Variants in EPHA5 observed in about 807,000 individuals in gnomAD.
EPHA5 encodes the protein ephrin type-A receptor 5.
In EPHA5, 60 loss-of-function variants were observed where a neutral mutation model predicts 105.0. The ratio of observed to expected loss-of-function variants is 0.57; its 90% CI spans 0.46 to 0.71. EPHA5 has a LOEUF of 0.71. Among genes scored for constraint, EPHA5 ranks in the 30% least tolerant of loss-of-function variants. The pLI, the probability that EPHA5 is intolerant of heterozygous loss-of-function variation, is 0.00. For synonymous variants in EPHA5, 513 were observed against 449.1 expected (o/e 1.14, Z -1.80); for missense variants, 1,218 against 1,274.7 (o/e 0.96, Z 0.68).
intron 3 of EPHA5, among the ~76,000 whole-genome samples, chr4:65,544,107 CA>C (rs1365156932): frequency 6.6e-6 from 1 of 151,526 alleles, no homozygotes; most frequent in African/African-American, 2.4e-5. Context: ...ATGTAAAACC[CA>C]AAAACATAAA....
chr4:65,353,401 TAAGA>T (rs1399059397), intron 11 of EPHA5, among the ~76,000 whole-genome samples: 1 of 150,238 alleles, frequency 6.7e-6, no homozygotes, highest in Admixed American at 6.7e-5. Context: ...ATGTCCTCTT[TAAGA>T]AAGAAGATAA....
At chr4:65,484,813 A>AT (rs972939160) in intron 5 of EPHA5, among the ~76,000 whole-genome samples, 3 of 152,108 alleles carry the variant, frequency 2.0e-5, no homozygotes, top group Non-Finnish European at 2.9e-5. Context: ...AATACACACT[A>AT]TTTTGTAAAA....
In EPHA5 at chr4:65,572,953, C is replaced by A. The variant is rs1303129007; in HGVS notation, c.910+28688G>T. 2.6e-5 allele frequency among the ~76,000 whole-genome samples: 4 copies of A among 152,068 alleles called. No homozygotes were observed. In the East Asian group the frequency reaches 5.8e-4, roughly 22 times the overall value. ...GACTTAGGCAAGAGAATCACTTGAA[C>A]CCAGGAGGCGGAGGCTGCAGTAAGC... On this transcript the variant is annotated intron_variant, in intron 3 of 16. Coordinates refer to ENST00000613740, the MANE Select transcript of EPHA5 (RefSeq NM_001281766.3).
chr4:65,573,774 G>A lies in EPHA5; in HGVS notation c.910+27867C>T, dbSNP rs1385904796. 3.7e-6 allele frequency: 6 copies of A among 1,612,880 alleles called. No individual in the cohort carries two copies. The Admixed American group carries it at 1.0e-4, about 27-fold the overall frequency. Reference sequence around the variant, plus strand: ...TGGTGACAAGAACGGCGGTACCCGGGTGGTTAAACTTCGCAAAATGCCTAG... The same window carrying A: ...TGGTGACAAGAACGGCGGTACCCGGATGGTTAAACTTCGCAAAATGCCTAG... On this transcript the variant is annotated intron_variant, in intron 3 of 16. Transcript: ENST00000613740.
intron 3 of EPHA5, among the ~76,000 whole-genome samples, chr4:65,496,994 A>T (rs1416906506): frequency 6.6e-6 from 1 of 152,148 alleles, no homozygotes; most frequent in Non-Finnish European, 1.5e-5. Flanking sequence ...ACATGTTCAT[A>T]TTATTCTTAT....
rs547676695 is a variant in EPHA5 at position 65,386,024 on chromosome 4, T to C, written c.1793+18350A>G. On this transcript the variant is annotated intron_variant, in intron 8 of 16. Transcript: ENST00000613740. ...TGAAAACCACTGCTGAGTACTCACATAAGTCTTTGGAAAATATCAATTTAA... is the reference window on the plus strand; with the variant it reads ...TGAAAACCACTGCTGAGTACTCACACAAGTCTTTGGAAAATATCAATTTAA... Among the ~76,000 whole-genome samples the C allele has an allele frequency of 2.0e-5, 3 of 151,988 alleles. No homozygotes were observed. In the East Asian group the frequency reaches 5.8e-4, roughly 30 times the overall value.
chr4:65,329,941 GA>G (rs1223780089), intron 16 of EPHA5, among the ~76,000 whole-genome samples: 1 of 150,938 alleles, frequency 6.6e-6, no homozygotes, highest in Admixed American at 6.6e-5. Flanking sequence ...TCTTACAGTT[GA>G]AAAAAATGTA....
At chr4:65,468,605 ATATATAT>A (rs1728973371) in intron 5 of EPHA5, among the ~76,000 whole-genome samples, 1 of 1,250 alleles carries the variant, frequency 8.0e-4, no homozygotes, top group Non-Finnish European at 3.2e-3. Context: ...TATATATATT[ATATATAT>A]TATATATATA....
chr4:65,435,755 T>C (rs1725416279), intron 5 of EPHA5, among the ~76,000 whole-genome samples: 1 of 151,970 alleles, frequency 6.6e-6, no homozygotes, highest in South Asian at 2.1e-4. Context: ...AGAGCGTTAA[T>C]GGAAACCATT....
At chr4:65,539,631 T>A (rs900879637) in intron 3 of EPHA5, among the ~76,000 whole-genome samples, 1 of 151,576 alleles carries the variant, frequency 6.6e-6, no homozygotes, top group Admixed American at 6.6e-5. Flanking sequence ...TCAAAGAAAC[T>A]TTCAAATTGT....
intron 3 of EPHA5, 78 bp from the exon 4 acceptor site, chr4:65,495,621 G>C (rs1274515272): frequency 2.4e-6 from 3 of 1,248,336 alleles, no homozygotes; most frequent in Non-Finnish European, 3.4e-6. Context: ...TCATTATTTT[G>C]ACTTGTATAT....
intron 1 of EPHA5, among the ~76,000 whole-genome samples, chr4:65,666,784 C>A (rs1750004027): frequency 1.3e-5 from 2 of 152,138 alleles, no homozygotes; most frequent in African/African-American, 4.8e-5. Flanking sequence ...CATATTCAAA[C>A]ATGCCAAATA....
At chr4:65,352,572 G>A (rs1007816295) in intron 12 of EPHA5, among the ~76,000 whole-genome samples, 8 of 151,918 alleles carry the variant, frequency 5.3e-5, no homozygotes, top group South Asian at 2.1e-4. Context: ...GGTGCAAGTC[G>A]TGACGGATCT....
intron 8 of EPHA5, among the ~76,000 whole-genome samples, chr4:65,375,705 A>G (rs906456920): frequency 2.0e-4 from 30 of 151,852 alleles, no homozygotes; most frequent in Non-Finnish European, 1.0e-4. Flanking sequence ...TATCTATGTT[A>G]AAAACTATAA....
At chr4:65,498,235 T>C (rs929063283) in intron 3 of EPHA5, among the ~76,000 whole-genome samples, 4 of 151,924 alleles carry the variant, frequency 2.6e-5, no homozygotes, top group Non-Finnish European at 5.9e-5. Flanking sequence ...GAGTCAAGTT[T>C]ATACAGGACA....
chr4:65,575,940 G>C (rs1250867586), intron 3 of EPHA5, among the ~76,000 whole-genome samples: 1 of 148,946 alleles, frequency 6.7e-6, no homozygotes, highest in Non-Finnish European at 1.5e-5. Flanking sequence ...CCGTGCCACT[G>C]CACTGCAGTC....
chr4:65,453,215 T>C (rs1170592769), intron 5 of EPHA5, among the ~76,000 whole-genome samples: 2 of 152,240 alleles, frequency 1.3e-5, no homozygotes, highest in African/African-American at 2.4e-5. Context: ...TGCTCTTGTT[T>C]ATGTGTAGAA....
In EPHA5 at chr4:65,348,211, T is replaced by A. The variant is rs2148843382; in HGVS notation, c.2446-8A>T. On this transcript the variant is annotated splice_polypyrimidine_tract_variant and splice_region_variant and intron_variant, in intron 13 of 16. Transcript: ENST00000613740. ...GATTGGAATTTTTCCTCCCTAAAAT[T>A]GAAAAAGATTTAAAAAACTTCCTAC... The A allele has an allele frequency of 6.2e-7, 1 of 1,606,168 alleles. No individual in the cohort carries two copies. Among genetic ancestry groups the A allele is most frequent in the South Asian group, 1.1e-5 (1 of 89,900 alleles).
intron 3 of EPHA5, among the ~76,000 whole-genome samples, chr4:65,513,543 C>T (rs1578300853): frequency 6.6e-6 from 1 of 152,006 alleles, no homozygotes; most frequent in African/African-American, 2.4e-5. Context: ...CGTGCCACCA[C>T]GCCCGACTAA....
Sources: gnomAD v4.1 joint callset for allele counts (sites outside exome capture counted in the v4.1 genomes callset) on GRCh38, gnomAD v4.1.1 for gene constraint, MANE v1.5 for transcripts, NCBI Gene and HGNC (gene_info 2026-07-23, HGNC 2026-07-21) for gene names.